Variants in SUSD5 observed in about 807,000 individuals in gnomAD.
SUSD5 encodes sushi domain-containing protein 5.
SUSD5 carries 33 observed loss-of-function variants against 29.5 expected under a neutral mutation model. That is an observed-to-expected ratio of 1.12 (90% confidence interval 0.85 to 1.49). The LOEUF is 1.49. Among genes scored for constraint, SUSD5 ranks in the 40% most tolerant of loss-of-function variants. The pLI is 0.00. For missense variants in SUSD5, 776 were observed against 800.6 expected (o/e 0.97, Z 0.37); for synonymous variants, 308 against 325.3 (o/e 0.95, Z 0.57).
At chr3:33,165,757 T>G (rs536922377) in intron 4 of SUSD5, among the ~76,000 whole-genome samples, 13 of 152,288 alleles carry the variant, frequency 8.5e-5, no homozygotes, top group African/African-American at 3.1e-4. Context: ...AAAATGTAAT[T>G]CAACAATATT....
rs1274721469 is a variant in SUSD5, at chr3:33,167,915, C to T, written c.598+6971G>A. ...CCTCACCCGACCCTCTCTGTGAAAA[C>T]CTGTGCTAACACAACATGGGGCCTT... is the stretch of plus-strand genomic sequence containing the variant. On this transcript the variant is annotated intron_variant, in intron 4 of 4. Coordinates refer to ENST00000309558, the MANE Select transcript of SUSD5 (RefSeq NM_015551.2). This position sits in a 1 kb window ranked among gnomAD's most constrained non-coding sequence, Gnocchi z 4.1. 6.6e-6 allele frequency among the ~76,000 whole-genome samples: 1 copy of T among 152,232 alleles called. No homozygotes were observed. Among genetic ancestry groups the T allele is most frequent in the Non-Finnish European group, 1.5e-5 (1 of 68,038 alleles).
At chr3:33,186,322 T>C (rs560985556) in intron 3 of SUSD5, among the ~76,000 whole-genome samples, 8 of 151,574 alleles carry the variant, frequency 5.3e-5, no homozygotes, top group Admixed American at 2.0e-4. Context: ...AAAAAGAAGA[T>C]AGACTGAGAA....
chr3:33,164,969 AACACACACACACACACACACAC>A (rs34551240), intron 4 of SUSD5, among the ~76,000 whole-genome samples: 2 of 147,036 alleles, frequency 1.4e-5, no homozygotes, highest in South Asian at 4.4e-4. Context: ...ACTAAAGTTG[AACACACACACACACACACACAC>A]ACACACACAC....
intron 3 of SUSD5, among the ~76,000 whole-genome samples, chr3:33,199,447 G>A (rs886643511): frequency 5.9e-5 from 9 of 152,028 alleles, no homozygotes; most frequent in Admixed American, 2.0e-4. Flanking sequence ...CTAACTTTTT[G>A]TATTTTTAAC....
intron 3 of SUSD5, among the ~76,000 whole-genome samples, chr3:33,176,052 T>A (rs1017057726): frequency 6.6e-6 from 1 of 152,204 alleles, no homozygotes; most frequent in African/African-American, 2.4e-5. Context: ...TTTTACTGTC[T>A]CCATAGTTTG....
At chr3:33,211,097 T>G (rs563780094) in intron 2 of SUSD5, among the ~76,000 whole-genome samples, 21 of 152,318 alleles carry the variant, frequency 1.4e-4, no homozygotes, top group Non-Finnish European at 2.8e-4. Flanking sequence ...TTTCGCCATA[T>G]TGGCCAGGCT....
In SUSD5 at chr3:33,151,611, G is replaced by C. The variant is rs1460062893; in HGVS notation, c.*1131C>G. On this transcript the variant is annotated 3_prime_UTR_variant, in exon 5 of 5. Transcript: ENST00000309558. ...TTCAGAGAAATGGTTAATCCTGAGA[G>C]AGGAAACCAAGGACTGAGTTTTGTT... is the stretch of plus-strand genomic sequence containing the variant. The C allele has an allele frequency of 1.3e-5, 2 of 151,994 alleles. No homozygotes were observed. Among genetic ancestry groups the C allele is most frequent in the African/African-American group, 4.8e-5 (2 of 41,364 alleles). The allele number at this position is 151,994 out of a possible 1,614,324, so 9.4% of individuals were successfully genotyped here.
chr3:33,184,048 C>T lies in SUSD5; in HGVS notation c.410-8974G>A, dbSNP rs2031731606. Among the ~76,000 whole-genome samples the T allele has an allele frequency of 2.0e-5, 3 of 149,430 alleles. No homozygotes were observed. The South Asian group carries it at 6.4e-4, about 32-fold the overall frequency. On this transcript the variant is annotated intron_variant, in intron 3 of 4. Coordinates refer to ENST00000309558, the MANE Select transcript of SUSD5 (RefSeq NM_015551.2). The stretch of plus-strand genomic sequence containing the variant: ...CACCTCCTGGGTTTAAGCGATTCTC[C>T]TGCCTCAGCCTACTGAGTAGCTGGG...
Position 33,206,192 on chromosome 3 carries a change from G to T in SUSD5, c.409+1616C>A, listed in dbSNP as rs536330700. Among the ~76,000 whole-genome samples, 7 of 152,128 alleles carry T rather than the reference G, an allele frequency of 4.6e-5. No individual in the cohort carries two copies. In the East Asian group the frequency reaches 1.4e-3, roughly 29 times the overall value. ...AGTTCAAGACCAGCCTGGCCAATAT[G>T]GTGAAACCACGTCTCTATTAAAAAT... On this transcript the variant is annotated intron_variant, in intron 3 of 4. Coordinates refer to ENST00000309558, the MANE Select transcript of SUSD5 (RefSeq NM_015551.2).
intron 1 of SUSD5, among the ~76,000 whole-genome samples, chr3:33,214,626 T>C (rs1165112466): frequency 1.3e-5 from 2 of 152,300 alleles, no homozygotes; most frequent in Non-Finnish European, 2.9e-5. Context: ...ACTTCTGTCC[T>C]ACTGCACAAG....
intron 3 of SUSD5, among the ~76,000 whole-genome samples, chr3:33,199,688 C>T (rs146682016): frequency 5.9e-5 from 9 of 152,292 alleles, no homozygotes; most frequent in African/African-American, 1.7e-4. Context: ...GACTGAATGT[C>T]TGTGTCCTCC....
At position 33,151,818 on chromosome 3, in the gene SUSD5, A is replaced by C. The variant is rs1286677934; in HGVS notation, c.*924T>G. On this transcript the variant is annotated 3_prime_UTR_variant, in exon 5 of 5. Transcript: ENST00000309558. ...TAAAATAAATGACAGACTGTCCCAC[A>C]GAATGGAGGGAACAGAGGGGGATGT... 1 of 152,238 alleles carries C rather than the reference A, an allele frequency of 6.6e-6. No individual in the cohort carries two copies. The highest frequency in any genetic ancestry group is 1.5e-5 in the Non-Finnish European group (1 of 68,032). 9.4% of individuals were successfully genotyped at this position (152,238 alleles called of 1,614,324 possible).
chr3:33,182,943 C>T (rs1428183112), intron 3 of SUSD5, among the ~76,000 whole-genome samples: 1 of 150,634 alleles, frequency 6.6e-6, no homozygotes, highest in African/African-American at 2.4e-5. Flanking sequence ...CCTGCCACTA[C>T]ACTAGGCTAA....
At chr3:33,183,693 T>C (rs184843218) in intron 3 of SUSD5, among the ~76,000 whole-genome samples, 114 of 152,228 alleles carry the variant, frequency 7.5e-4, no homozygotes, top group Admixed American at 1.2e-3. Flanking sequence ...TCTCTGATGT[T>C]CTTCCTTTAT....
rs1468245342 is a variant in SUSD5 at position 33,167,772 on chromosome 3, C to T, written c.598+7114G>A. Among the ~76,000 whole-genome samples, 6 of 152,182 alleles carry T rather than the reference C, an allele frequency of 3.9e-5. No homozygotes were observed. The highest frequency in any genetic ancestry group is 1.5e-5 in the Non-Finnish European group (1 of 68,038). On this transcript the variant is annotated intron_variant, in intron 4 of 4. Transcript: ENST00000309558. The surrounding 1 kb of genome is among the most constrained non-coding windows in gnomAD (Gnocchi z 4.1). ...GATTTCAACCAACAAGCACATTCTGCCCACAAGATGGAGAAGCCCAGCTCT... is the reference window on the plus strand; with the variant it reads ...GATTTCAACCAACAAGCACATTCTGTCCACAAGATGGAGAAGCCCAGCTCT...
intron 1 of SUSD5, among the ~76,000 whole-genome samples, chr3:33,215,590 T>C (rs973820111): frequency 2.0e-4 from 31 of 152,320 alleles, no homozygotes; most frequent in African/African-American, 7.0e-4. Context: ...CCTCATTTTA[T>C]AGTTAAGGTT....
At chr3:33,189,073 A>G (rs1259123511) in intron 3 of SUSD5, among the ~76,000 whole-genome samples, 1 of 152,204 alleles carries the variant, frequency 6.6e-6, no homozygotes, top group African/African-American at 2.4e-5. Context: ...AGGCAAGTTC[A>G]TATGCAAATA....
intron 3 of SUSD5, among the ~76,000 whole-genome samples, chr3:33,189,478 C>CAAAAAAA (rs71630568): frequency 3.3e-5 from 3 of 91,600 alleles, no homozygotes; most frequent in Admixed American, 1.4e-4. Context: ...CTCTCCTTCT[C>CAAAAAAA]AAAAAAAAAA....
chr3:33,164,607 A>G (rs1353597576), intron 4 of SUSD5, among the ~76,000 whole-genome samples: 1 of 152,228 alleles, frequency 6.6e-6, no homozygotes, highest in African/African-American at 2.4e-5. Context: ...CTAACAGAAG[A>G]CATTTGCAAC....
Sources: gnomAD v4.1 joint callset for allele counts (sites outside exome capture counted in the v4.1 genomes callset) on GRCh38, gnomAD v4.1.1 for gene constraint, Gnocchi (gnomAD v3.1) non-coding constraint, MANE v1.5 for transcripts, NCBI Gene and HGNC (gene_info 2026-07-23, HGNC 2026-07-21) for gene names.